KCNIP4: variants seen among roughly 807,000 people sequenced by gnomAD.
KCNIP4 encodes the protein Kv channel-interacting protein 4.
A neutral mutation model predicts 34.0 loss-of-function variants in KCNIP4; 12 were observed. The observed-to-expected ratio is 0.35, with a 90% CI of 0.23 to 0.57. The LOEUF is 0.57. Among genes scored for constraint, KCNIP4 ranks in the 20% least tolerant of loss-of-function variants. The probability of loss-of-function intolerance (pLI) is 0.83; values close to 1 mark genes in which losing one functional copy is unlikely to be tolerated. For missense variants in KCNIP4, 238 were observed against 311.7 expected, an observed-to-expected ratio of 0.76 and a Z score of 1.78; for synonymous variants, 124 against 102.2, an observed-to-expected ratio of 1.21 and a Z score of -1.29.
intron 1 of KCNIP4, among the ~76,000 whole-genome samples, chr4:21,185,089 A>T (rs2109332935): frequency 6.6e-6 from 1 of 152,326 alleles, no homozygotes; most frequent in South Asian, 2.1e-4. Flanking sequence ...AAAGATTACT[A>T]TTGTATAAGA....
At chr4:20,875,268 C>G (rs995869597) in intron 2 of KCNIP4, among the ~76,000 whole-genome samples, 11 of 152,152 alleles carry the variant, frequency 7.2e-5, no homozygotes, top group Non-Finnish European at 1.6e-4. Flanking sequence ...AGTACAGAGA[C>G]TTTGCAGCTC....
intron 1 of KCNIP4, among the ~76,000 whole-genome samples, chr4:21,806,717 A>C (rs1040825569): frequency 1.3e-5 from 2 of 152,194 alleles, no homozygotes; most frequent in Non-Finnish European, 2.9e-5. Flanking sequence ...AGAAGTTGAA[A>C]GGGAAAACAT....
chr4:20,736,166 T>C (rs1437573443), intron 5 of KCNIP4, among the ~76,000 whole-genome samples: 1 of 152,230 alleles, frequency 6.6e-6, no homozygotes, highest in East Asian at 1.9e-4. Context: ...ATAGTTTGTA[T>C]TTACTTCCAA....
chr4:20,907,723 AT>A (rs1231107840), intron 1 of KCNIP4, among the ~76,000 whole-genome samples: 3 of 151,594 alleles, frequency 2.0e-5, no homozygotes, highest in African/African-American at 4.9e-5. Flanking sequence ...AAATTTTTTT[AT>A]TTTTTTTCTT....
intron 1 of KCNIP4, among the ~76,000 whole-genome samples, chr4:20,993,009 C>T (rs1359007695): frequency 8.8e-6 from 1 of 113,542 alleles, no homozygotes; most frequent in South Asian, 2.9e-4. Context: ...GCACAGGCGA[C>T]AGAGTGAGAC....
At chr4:21,013,865 T>A (rs528281726) in intron 1 of KCNIP4, among the ~76,000 whole-genome samples, 3 of 152,310 alleles carry the variant, frequency 2.0e-5, no homozygotes, top group South Asian at 4.1e-4. Context: ...CTTGTTATAT[T>A]TGATGGAGTG....
At chr4:21,870,190 T>C (rs1476585306) in intron 1 of KCNIP4, among the ~76,000 whole-genome samples, 1 of 152,252 alleles carries the variant, frequency 6.6e-6, no homozygotes, top group South Asian at 2.1e-4. Flanking sequence ...GTAAACTCTT[T>C]TGCATTCCTA....
intron 1 of KCNIP4, among the ~76,000 whole-genome samples, chr4:21,384,653 G>A (rs1721849743): frequency 6.6e-6 from 1 of 152,214 alleles, no homozygotes; most frequent in Admixed American, 6.5e-5. Flanking sequence ...CAGTGAATCA[G>A]AAAGGACAGA....
chr4:21,902,746 T>C (rs1727777994), intron 1 of KCNIP4, among the ~76,000 whole-genome samples: 2 of 152,038 alleles, frequency 1.3e-5, no homozygotes, highest in South Asian at 4.1e-4. Context: ...TAGAGAGATA[T>C]CTGGAGACCA....
Position 21,028,897 on chromosome 4 carries a change from T to A in KCNIP4, c.62-146188A>T, listed in dbSNP as rs79732571. ...GTAGTTTGGAAGAAACCCAAAGCATTCTAAATTATCTAGTGAACTTCATGT... is the reference window on the plus strand; with the variant it reads ...GTAGTTTGGAAGAAACCCAAAGCATACTAAATTATCTAGTGAACTTCATGT... On this transcript the variant is annotated intron_variant, in intron 1 of 8. Coordinates refer to ENST00000382152, the MANE Select transcript of KCNIP4 (RefSeq NM_025221.6). 3.2e-3 allele frequency among the ~76,000 whole-genome samples: 484 copies of A among 152,284 alleles called. 1 individual carries two copies. Among genetic ancestry groups the A allele is most frequent in the African/African-American group, 0.011 (469 of 41,556 alleles).
intron 1 of KCNIP4, among the ~76,000 whole-genome samples, chr4:20,974,206 T>G (rs1392259472): frequency 1.3e-5 from 2 of 152,106 alleles, no homozygotes; most frequent in East Asian, 3.9e-4. Context: ...TCCTTATAGC[T>G]CTGGACACCG....
chr4:21,414,474 G>A (rs897393137), intron 1 of KCNIP4, among the ~76,000 whole-genome samples: 2 of 152,106 alleles, frequency 1.3e-5, no homozygotes, highest in African/African-American at 4.8e-5. Context: ...ACCCTCTCAG[G>A]CTCCTGTGGA....
intron 1 of KCNIP4, among the ~76,000 whole-genome samples, chr4:21,568,339 A>G (rs1256644705): frequency 1.3e-5 from 2 of 152,140 alleles, no homozygotes; most frequent in Admixed American, 1.3e-4. Context: ...AAAAGGAGAT[A>G]TTTGGACATA....
At chr4:20,885,337 C>T (rs974354451) in intron 1 of KCNIP4, among the ~76,000 whole-genome samples, 2 of 152,242 alleles carry the variant, frequency 1.3e-5, no homozygotes, top group Admixed American at 6.5e-5. Context: ...ACTGTAGAAC[C>T]TAAGATTGGC....
intron 7 of KCNIP4, 59 bp from the exon 8 acceptor site, chr4:20,732,127 G>T: frequency 1.7e-6 from 2 of 1,149,822 alleles, no homozygotes; most frequent in Non-Finnish European, 2.6e-6. Context: ...CCTCACACCT[G>T]GACCAAATGA....
chr4:21,143,345 T>A (rs1425383121), intron 1 of KCNIP4, among the ~76,000 whole-genome samples: 3 of 152,122 alleles, frequency 2.0e-5, no homozygotes, highest in Non-Finnish European at 4.4e-5. Flanking sequence ...TGAGAAGTAA[T>A]AAGGGTGGTC....
chr4:21,405,351 T>A (rs1052489807), intron 1 of KCNIP4, among the ~76,000 whole-genome samples: 3 of 152,150 alleles, frequency 2.0e-5, no homozygotes, highest in Admixed American at 2.0e-4. Context: ...TTATTGTGCA[T>A]CCTTATTGTG....
intron 1 of KCNIP4, among the ~76,000 whole-genome samples, chr4:20,969,061 A>G (rs1409933342): frequency 6.6e-6 from 1 of 152,204 alleles, no homozygotes; most frequent in Non-Finnish European, 1.5e-5. Context: ...CAATAATTTT[A>G]TGCATGCCAA....
chr4:21,385,441 T>C (rs1342485295), intron 1 of KCNIP4, among the ~76,000 whole-genome samples: 1 of 152,170 alleles, frequency 6.6e-6, no homozygotes, highest in Non-Finnish European at 1.5e-5. Flanking sequence ...GTTAGGACTG[T>C]GGGCTCCCAT....
Sources: allele counts gnomAD v4.1 joint callset (sites outside exome capture counted in the v4.1 genomes callset), GRCh38; gene constraint gnomAD v4.1.1; transcripts MANE v1.5; gene names NCBI Gene and HGNC (gene_info 2026-07-23, HGNC 2026-07-21).